Variants in MRPL48 observed in about 807,000 individuals in gnomAD.
The protein encoded by MRPL48 is large ribosomal subunit protein mL48.
MRPL48 carries 16 observed loss-of-function variants against 32.9 expected under a neutral mutation model. The ratio of observed to expected loss-of-function variants is 0.49; its 90% CI spans 0.33 to 0.74. The LOEUF is 0.74. Among genes scored for constraint, MRPL48 ranks in the 30% least tolerant of loss-of-function variants. The pLI, the probability that MRPL48 is intolerant of heterozygous loss-of-function variation, is 0.02. For missense variants in MRPL48, 206 were observed against 245.3 expected, an observed-to-expected ratio of 0.84 and a Z score of 1.07; for synonymous variants, 94 against 89.2, an observed-to-expected ratio of 1.05 and a Z score of -0.31.
intron 4 of MRPL48, among the ~76,000 whole-genome samples, chr11:73,838,204 A>G (rs1001555046): frequency 6.6e-6 from 1 of 152,192 alleles, no homozygotes; most frequent in South Asian, 2.1e-4. Flanking sequence ...CCTGAACTCA[A>G]TCAGTAGGCA....
intron 1 of MRPL48, among the ~76,000 whole-genome samples, chr11:73,801,427 A>G (rs1947362170): frequency 6.6e-6 from 1 of 152,074 alleles, no homozygotes; most frequent in Non-Finnish European, 1.5e-5. Context: ...TCTGTCTTTT[A>G]TGCTGACCAA....
At chr11:73,859,225 AG>A (rs1402874519) in intron 5 of MRPL48, among the ~76,000 whole-genome samples, 1 of 152,108 alleles carries the variant, frequency 6.6e-6, no homozygotes. Flanking sequence ...ACCCAAGGTT[AG>A]CCTCCAAAGC....
At chr11:73,811,171 A>G (rs1207700864) in intron 3 of MRPL48, among the ~76,000 whole-genome samples, 1 of 152,040 alleles carries the variant, frequency 6.6e-6, no homozygotes, top group Admixed American at 6.6e-5. Flanking sequence ...CAACCATGTT[A>G]CAGTTTCAAC....
rs1229553966 is a variant in MRPL48, at chr11:73,824,442, G to A, written c.113-1266G>A. Among the ~76,000 whole-genome samples, 17 of 151,888 alleles carry A rather than the reference G, an allele frequency of 1.1e-4. 1 individual carries two copies. Among genetic ancestry groups the A allele is most frequent in the African/African-American group, 3.4e-4 (14 of 41,360 alleles). ...TCTACTGAAAATAGAAAAATTAGCC[G>A]GGTGTGGTGGCGCGTGCCTGTAATC... On this transcript the variant is annotated intron_variant, in intron 3 of 7. Transcript: ENST00000310614.
chr11:73,854,034 A>G (rs1177125937), intron 5 of MRPL48, among the ~76,000 whole-genome samples: 1 of 152,162 alleles, frequency 6.6e-6, no homozygotes, highest in African/African-American at 2.4e-5. Context: ...TTAAATGTCA[A>G]TCACAGAATG....
intron 3 of MRPL48, among the ~76,000 whole-genome samples, chr11:73,821,982 C>T (rs1315867203): frequency 6.6e-6 from 1 of 152,068 alleles, no homozygotes; most frequent in Non-Finnish European, 1.5e-5. Flanking sequence ...ATAAAATCTT[C>T]GATGAGGTTG....
intron 5 of MRPL48, among the ~76,000 whole-genome samples, chr11:73,849,715 G>A (rs1029958697): frequency 2.0e-5 from 3 of 152,202 alleles, no homozygotes; most frequent in Non-Finnish European, 4.4e-5. Flanking sequence ...CTATAAATAT[G>A]TACAGGTTTT....
At chr11:73,851,774 G>A (rs1948394375) in intron 5 of MRPL48, among the ~76,000 whole-genome samples, 1 of 151,894 alleles carries the variant, frequency 6.6e-6, no homozygotes, top group South Asian at 2.1e-4. Context: ...ATCCAGTTGT[G>A]TGGTATACAG....
intron 1 of MRPL48, among the ~76,000 whole-genome samples, chr11:73,794,218 A>ATCTG (rs1320154923): frequency 1.3e-5 from 2 of 150,454 alleles, no homozygotes; most frequent in African/African-American, 4.9e-5. Context: ...CTATCTATCT[A>ATCTG]TCTATCTATC....
chr11:73,850,564 C>A (rs1948370273), intron 5 of MRPL48: 4 of 372,928 alleles, frequency 1.1e-5, no homozygotes, highest in South Asian at 6.2e-5. Context: ...CTGACTGCAT[C>A]CATTTCAACT....
At chr11:73,856,471 G>A (rs1218283538) in intron 5 of MRPL48, among the ~76,000 whole-genome samples, 1 of 152,176 alleles carries the variant, frequency 6.6e-6, no homozygotes, top group Non-Finnish European at 1.5e-5. Context: ...AGGCAAAGAA[G>A]AGGCCTCTCA....
chr11:73,792,120 G>A (rs1235526734), intron 1 of MRPL48, among the ~76,000 whole-genome samples: 3 of 152,196 alleles, frequency 2.0e-5, no homozygotes, highest in Non-Finnish European at 2.9e-5. Context: ...GATAGAGCCA[G>A]TACCTCTTTG....
At chr11:73,797,018 C>T (rs1252717492) in intron 1 of MRPL48, among the ~76,000 whole-genome samples, 2 of 152,134 alleles carry the variant, frequency 1.3e-5, no homozygotes, top group Non-Finnish European at 2.9e-5. Flanking sequence ...AGTGAGATCA[C>T]GCCATTGCAC....
intron 3 of MRPL48, among the ~76,000 whole-genome samples, chr11:73,821,323 G>T (rs1034790870): frequency 6.6e-6 from 1 of 152,056 alleles, no homozygotes; most frequent in Non-Finnish European, 1.5e-5. Flanking sequence ...TTTACTTTGT[G>T]ACTATTAGTC....
intron 3 of MRPL48, among the ~76,000 whole-genome samples, chr11:73,820,375 C>T (rs997922403): frequency 5.3e-5 from 8 of 152,140 alleles, no homozygotes; most frequent in Admixed American, 2.0e-4. Flanking sequence ...CAGGCATGTA[C>T]CATCACACCC....
intron 4 of MRPL48, among the ~76,000 whole-genome samples, chr11:73,830,165 G>A (rs559303756): frequency 6.6e-6 from 1 of 152,218 alleles, no homozygotes; most frequent in African/African-American, 2.4e-5. Flanking sequence ...ACAGGGCCTA[G>A]CATCAAGGAG....
At chr11:73,788,887 A>G (rs1947098936) in intron 1 of MRPL48, among the ~76,000 whole-genome samples, 1 of 152,186 alleles carries the variant, frequency 6.6e-6, no homozygotes, top group Non-Finnish European at 1.5e-5. Context: ...GATTTAACAG[A>G]TTTCATTTGT....
chr11:73,819,680 C>T (rs1459800313), intron 3 of MRPL48, among the ~76,000 whole-genome samples: 2 of 152,172 alleles, frequency 1.3e-5, no homozygotes, highest in Admixed American at 6.5e-5. Flanking sequence ...GCCTGGGCAA[C>T]ATGGCGAAAC....
At position 73,787,904 on chromosome 11, in the gene MRPL48, G is replaced by T; in HGVS notation, c.-68G>T. 6.3e-7 allele frequency: 1 copy of T among 1,584,054 alleles called. No individual in the cohort carries two copies. The highest frequency in any genetic ancestry group is 1.1e-5 in the South Asian group (1 of 88,128). On this transcript the variant is annotated 5_prime_UTR_variant, in exon 1 of 8. Coordinates refer to ENST00000310614, the MANE Select transcript of MRPL48 (RefSeq NM_016055.6). ...GGCCGTTCCTTCAGTGTTTTCAGACGCCCTGGGAACGCGGCTGCAGGGTCC... is the reference window on the plus strand; with the variant it reads ...GGCCGTTCCTTCAGTGTTTTCAGACTCCCTGGGAACGCGGCTGCAGGGTCC...
Sources: allele counts gnomAD v4.1 joint callset (sites outside exome capture counted in the v4.1 genomes callset), GRCh38; gene constraint gnomAD v4.1.1; transcripts MANE v1.5; gene names NCBI Gene and HGNC (gene_info 2026-07-23, HGNC 2026-07-21).